CDC14A: variants seen among roughly 807,000 people sequenced by gnomAD.
The protein encoded by CDC14A is dual specificity protein phosphatase CDC14A.
Under a neutral mutation model 74.4 loss-of-function variants are expected in CDC14A, and 53 were observed. That is an observed-to-expected ratio of 0.71 (90% CI 0.57 to 0.89). The LOEUF (loss-of-function observed/expected upper bound fraction) is 0.89. Among genes scored for constraint, CDC14A ranks in the 40% least tolerant of loss-of-function variants. The pLI, the probability that CDC14A is intolerant of heterozygous loss-of-function variation, is 0.00. For missense variants in CDC14A, 646 were observed against 713.7 expected (o/e 0.91, Z 1.08); for synonymous variants, 247 against 258.4 (o/e 0.96, Z 0.43).
rs1440973168 is a variant in CDC14A at position 100,510,803 on chromosome 1, T to C, written c.1756-7448T>C. On this transcript the variant is annotated intron_variant, in intron 15 of 15. Coordinates refer to ENST00000336454, the MANE Select transcript of CDC14A (RefSeq NM_003672.4). ...TCTAATTTACCCGGCCCTTCAGTGC[T>C]CCTAATTAGTTGTTTTATCCCTTTT... Among the ~76,000 whole-genome samples, 6 of 152,188 alleles carry C rather than the reference T, an allele frequency of 3.9e-5. No individual in the cohort carries two copies. The East Asian group carries it at 1.2e-3, about 29-fold the overall frequency.
chr1:100,381,678 C>T (rs1341108068), intron 3 of CDC14A, among the ~76,000 whole-genome samples: 2 of 151,994 alleles, frequency 1.3e-5, no homozygotes, highest in African/African-American at 4.8e-5. Flanking sequence ...GCATTCTATT[C>T]CCAATGTCCT....
intron 5 of CDC14A, among the ~76,000 whole-genome samples, chr1:100,427,146 C>T (rs1206472052): frequency 2.0e-5 from 3 of 152,050 alleles, no homozygotes; most frequent in Non-Finnish European, 4.4e-5. Context: ...AAAAAAAAAT[C>T]CCATTTCTTA....
chr1:100,378,326 C>G (rs1204606794), intron 3 of CDC14A, among the ~76,000 whole-genome samples: 4 of 151,772 alleles, frequency 2.6e-5, no homozygotes, highest in Admixed American at 2.6e-4. Flanking sequence ...CAATATTTAT[C>G]TCCTTGTCTT....
At chr1:100,472,179 A>G (rs552292372) in intron 10 of CDC14A, among the ~76,000 whole-genome samples, 1 of 152,306 alleles carries the variant, frequency 6.6e-6, no homozygotes, top group South Asian at 2.1e-4. Flanking sequence ...CATAGAAGAG[A>G]ATGTACAAAT....
chr1:100,373,843 G>A (rs553523149), intron 2 of CDC14A, among the ~76,000 whole-genome samples: 2 of 151,938 alleles, frequency 1.3e-5, no homozygotes, highest in East Asian at 3.9e-4. Context: ...TAGGGTACAT[G>A]TGCACAATGT....
At chr1:100,509,533 T>A (rs565711726) in intron 15 of CDC14A, among the ~76,000 whole-genome samples, 2 of 152,322 alleles carry the variant, frequency 1.3e-5, no homozygotes, top group South Asian at 2.1e-4. Flanking sequence ...TCCAAAAATT[T>A]GAATTTTACT....
chr1:100,415,217 T>C (rs1243952219), intron 4 of CDC14A, among the ~76,000 whole-genome samples: 1 of 152,180 alleles, frequency 6.6e-6, no homozygotes, highest in African/African-American at 2.4e-5. Flanking sequence ...TTCACTCTAA[T>C]TATACCCATG....
intron 15 of CDC14A, among the ~76,000 whole-genome samples, chr1:100,516,154 A>C (rs1046777312): frequency 6.6e-6 from 1 of 152,236 alleles, no homozygotes; most frequent in African/African-American, 2.4e-5. Context: ...TATATTCTCC[A>C]TATGAATAAT....
intron 15 of CDC14A, among the ~76,000 whole-genome samples, chr1:100,504,647 C>T (rs1057124436): frequency 6.6e-6 from 1 of 152,184 alleles, no homozygotes; most frequent in African/African-American, 2.4e-5. Context: ...ATATAGATTT[C>T]AACATCTTAT....
At chr1:100,400,437 T>TCTG (rs1388710083) in intron 4 of CDC14A, among the ~76,000 whole-genome samples, 2 of 152,200 alleles carry the variant, frequency 1.3e-5, no homozygotes, top group Non-Finnish European at 2.9e-5. Context: ...CTACTAGTGT[T>TCTG]CTGTCATCCT....
chr1:100,471,854 G>A (rs960229766), intron 10 of CDC14A, among the ~76,000 whole-genome samples: 1 of 152,090 alleles, frequency 6.6e-6, no homozygotes, highest in African/African-American at 2.4e-5. Context: ...CTGATGAGTT[G>A]TTGATTCAAA....
intron 2 of CDC14A, among the ~76,000 whole-genome samples, chr1:100,356,805 A>G (rs1334663813): frequency 1.4e-5 from 2 of 144,650 alleles, no homozygotes; most frequent in Non-Finnish European, 3.0e-5. Flanking sequence ...GGTTGCAGTG[A>G]GCTGAGATTG....
intron 2 of CDC14A, among the ~76,000 whole-genome samples, chr1:100,367,325 G>A (rs1653771812): frequency 6.6e-6 from 1 of 152,024 alleles, no homozygotes; most frequent in Non-Finnish European, 1.5e-5. Context: ...CTAGCTAATA[G>A]TATGTATTAT....
At chr1:100,434,205 T>C (rs1664053220) in intron 5 of CDC14A, among the ~76,000 whole-genome samples, 1 of 152,202 alleles carries the variant, frequency 6.6e-6, no homozygotes, top group Non-Finnish European at 1.5e-5. Context: ...AGTTGACTAG[T>C]ATGCCAGAAG....
At chr1:100,498,332 C>T in intron 14 of CDC14A, 125 bp downstream of exon 14, 1 of 1,055,410 alleles carries the variant, frequency 9.5e-7, no homozygotes, top group Non-Finnish European at 1.4e-6. Flanking sequence ...CCACGGAAGA[C>T]CCTGTGATGT....
intron 10 of CDC14A, among the ~76,000 whole-genome samples, chr1:100,469,625 C>T (rs1006881629): frequency 1.6e-4 from 25 of 152,134 alleles, no homozygotes; most frequent in African/African-American, 5.8e-4. Flanking sequence ...TACTCCTAAG[C>T]CTAGTTCTTT....
intron 7 of CDC14A, among the ~76,000 whole-genome samples, chr1:100,452,388 T>A (rs1666233998): frequency 6.6e-6 from 1 of 152,134 alleles, no homozygotes. Context: ...GGTGTGTGCC[T>A]GTAATCCCAG....
chr1:100,469,144 A>G (rs1303976811), intron 10 of CDC14A, among the ~76,000 whole-genome samples: 1 of 152,172 alleles, frequency 6.6e-6, no homozygotes, highest in Non-Finnish European at 1.5e-5. Flanking sequence ...AGTTTTAATG[A>G]TCATGATCAT....
At chr1:100,451,012 C>A (rs1557773032) in intron 7 of CDC14A, among the ~76,000 whole-genome samples, 1 of 152,140 alleles carries the variant, frequency 6.6e-6, no homozygotes, top group East Asian at 1.9e-4. Flanking sequence ...ATTTCTCCTC[C>A]CTCCATGGCT....
Sources: allele counts gnomAD v4.1 joint callset (sites outside exome capture counted in the v4.1 genomes callset), GRCh38; gene constraint gnomAD v4.1.1; transcripts MANE v1.5; gene names NCBI Gene and HGNC (gene_info 2026-07-23, HGNC 2026-07-21).